Variants in FAM199X observed in about 807,000 individuals in gnomAD.
FAM199X encodes the protein family with sequence similarity 199, X-linked, also known as protein FAM199X.
A neutral mutation model predicts 22.9 loss-of-function variants in FAM199X; 4 were observed. The observed-to-expected ratio is 0.17, with a 90% CI of 0.09 to 0.40. The LOEUF is 0.40. FAM199X is among the 10% of genes least tolerant of loss of function. The pLI, the probability that FAM199X is intolerant of heterozygous loss-of-function variation, is 1.00. For missense variants in FAM199X, 183 were observed against 306.8 expected (o/e 0.60, Z 3.01); for synonymous variants, 101 against 112.3 (o/e 0.90, Z 0.64).
At position 104,193,423 on chromosome X, in the gene FAM199X, A is replaced by T. The variant is rs1348176463; in HGVS notation, c.*3645A>T. ...TATCTAGAAAGATAATTTTCAAGGT[A>T]TAGGCAAAAGCACTTCAAGGACAGA... On this transcript the variant is annotated 3_prime_UTR_variant, in exon 6 of 6. Transcript: ENST00000493442. 2.7e-5 allele frequency: 3 copies of T among 111,955 alleles called. No individual in the cohort carries two copies. The highest frequency in any genetic ancestry group is 7.4e-4 in the South Asian group (2 of 2,720). 9.2% of individuals were successfully genotyped at this position (111,955 alleles called of 1,213,427 possible).
intron 2 of FAM199X, among the ~76,000 whole-genome samples, chrX:104,183,530 T>C (rs1921715290): frequency 9.1e-6 from 1 of 110,392 alleles, no homozygotes; most frequent in Non-Finnish European, 1.9e-5. Context: ...AGTGGCACGA[T>C]CTCGGCTCAC....
the FAM199X span, among the ~76,000 whole-genome samples, chrX:104,157,244 G>A: frequency 8.9e-6 from 1 of 111,872 alleles, no homozygotes; most frequent in African/African-American, 3.3e-5. Flanking sequence ...TCTCAAACAG[G>A]AGCTTAACTT....
At chrX:104,167,289 C>A (rs1921233636) in intron 1 of FAM199X, among the ~76,000 whole-genome samples, 1 of 104,454 alleles carries the variant, frequency 9.6e-6, no homozygotes, top group Non-Finnish European at 2.0e-5. Flanking sequence ...AATCCCAAAC[C>A]CCCACCCTTG....
upstream of FAM199X, among the ~76,000 whole-genome samples, chrX:104,166,184 C>T (rs1397445879): frequency 8.9e-6 from 1 of 112,906 alleles, no homozygotes; most frequent in South Asian, 3.6e-4. Flanking sequence ...TCTCACGCAC[C>T]CGCAGTGTGA....
At chrX:104,189,536 A>T (rs1229081401) in intron 5 of FAM199X, 72 bp from the exon 6 acceptor site, 21 of 1,020,204 alleles carry the variant, frequency 2.1e-5, no homozygotes, top group Non-Finnish European at 2.5e-5. Flanking sequence ...AGAGAATTTG[A>T]TCCACAAAAC....
At chrX:104,178,771 C>G (rs1040063840) in intron 2 of FAM199X, among the ~76,000 whole-genome samples, 7 of 111,734 alleles carry the variant, frequency 6.3e-5, no homozygotes, top group African/African-American at 2.0e-4. Flanking sequence ...TAGTACCACA[C>G]TGTTTTAGTT....
chrX:104,186,761 T>G, intron 4 of FAM199X, 140 bp downstream of exon 4: 1 of 539,075 alleles, frequency 1.9e-6, no homozygotes, highest in Non-Finnish European at 2.9e-6. Context: ...GAAAAAATGA[T>G]GGCACATTGA....
intron 2 of FAM199X, among the ~76,000 whole-genome samples, chrX:104,181,404 C>T (rs1481569507): frequency 8.9e-6 from 1 of 111,886 alleles, no homozygotes; most frequent in East Asian, 2.8e-4. Context: ...TAGTCTAATC[C>T]CGTATCTCCA....
At chrX:104,163,682 G>A (rs1459459436), upstream of FAM199X, among the ~76,000 whole-genome samples, 3 of 109,437 alleles carry the variant, frequency 2.7e-5, no homozygotes, top group Non-Finnish European at 1.9e-5. Context: ...ATATATGGAG[G>A]GACCTCTTTT....
rs1472258146 is a variant in FAM199X, at chrX:104,195,683, G to A, written c.*5905G>A. On this transcript the variant is annotated 3_prime_UTR_variant, in exon 6 of 6. Coordinates refer to ENST00000493442, the MANE Select transcript of FAM199X (RefSeq NM_207318.4). ...CAACTTTATCTTTTGCCACTAGAGG[G>A]AGATCTGTGGTTGCTTTCTCCTTTG... 1 of 111,131 alleles carries A rather than the reference G, an allele frequency of 9.0e-6. No homozygotes were observed. Among genetic ancestry groups the A allele is most frequent in the Non-Finnish European group, 1.9e-5 (1 of 52,969 alleles). The allele number at this position is 111,131 out of a possible 1,213,427, so 9.2% of individuals were successfully genotyped here.
intron 2 of FAM199X, among the ~76,000 whole-genome samples, chrX:104,181,991 C>CT (rs1210118235): frequency 0.011 from 1,032 of 94,560 alleles, 19 homozygotes; most frequent in African/African-American, 0.032. Context: ...TCTTTTTTTT[C>CT]TTTTTTTTTT....
rs1556380490 is a variant in FAM199X at position 104,191,874 on chromosome X, C to G, written c.*2096C>G. 4.5e-5 allele frequency: 5 copies of G among 111,736 alleles called. No individual in the cohort carries two copies. The highest frequency in any genetic ancestry group is 3.8e-4 in the Admixed American group (4 of 10,494). 9.2% of individuals were successfully genotyped at this position (111,736 alleles called of 1,213,427 possible). A position where few individuals can be genotyped will look rare whatever the true frequency, so the allele number is the denominator to read the frequency against. On this transcript the variant is annotated 3_prime_UTR_variant, in exon 6 of 6. Transcript: ENST00000493442. ...TTATTACTTTCAATTTAACTTGAGT[C>G]ACTATTAAGCAAGTTTACCAAAGTG...
intron 1 of FAM199X, among the ~76,000 whole-genome samples, chrX:104,171,923 G>A: frequency 9.0e-6 from 1 of 111,492 alleles, no homozygotes; most frequent in Middle Eastern, 4.7e-3. Flanking sequence ...ATCCTAGAAG[G>A]GGAATTACTG....
At chrX:104,185,103 C>T (rs1418824434) in intron 2 of FAM199X, among the ~76,000 whole-genome samples, 3 of 96,098 alleles carry the variant, frequency 3.1e-5, no homozygotes, top group Non-Finnish European at 6.1e-5. Flanking sequence ...GACGGGGTCT[C>T]GCCACATTGC....
chrX:104,160,390 AAG>A, the FAM199X span, among the ~76,000 whole-genome samples: 69 of 112,910 alleles, frequency 6.1e-4, no homozygotes, highest in Non-Finnish European at 1.2e-3. Context: ...TTTTATTAAA[AAG>A]AGTTATGTGG....
rs1423497744 is a variant in FAM199X at position 104,189,920 on chromosome X, C to T, written c.*142C>T. ...AAGCCAGTGGTTCTTGGCAGGTGAT[C>T]CCAAGACCTGCAGCTTCAGCATCAC... On this transcript the variant is annotated 3_prime_UTR_variant, in exon 6 of 6. Coordinates refer to ENST00000493442, the MANE Select transcript of FAM199X (RefSeq NM_207318.4). The T allele has an allele frequency of 1.8e-6, 1 of 541,763 alleles. No individual in the cohort carries two copies. The highest frequency in any genetic ancestry group is 2.9e-6 in the Non-Finnish European group (1 of 344,275). 44.6% of individuals were successfully genotyped at this position (541,763 alleles called of 1,213,427 possible). A position where few individuals can be genotyped will look rare whatever the true frequency, so the allele number is the denominator to read the frequency against.
intron 1 of FAM199X, among the ~76,000 whole-genome samples, chrX:104,169,461 A>G (rs1047897631): frequency 3.6e-5 from 4 of 112,109 alleles, no homozygotes; most frequent in South Asian, 3.7e-4. Flanking sequence ...GATTATGACA[A>G]TTTTGTGCCT....
intron 2 of FAM199X, among the ~76,000 whole-genome samples, chrX:104,185,613 CT>C (rs1275610116): frequency 2.7e-5 from 3 of 109,581 alleles, no homozygotes; most frequent in Non-Finnish European, 3.8e-5. Flanking sequence ...AGTCTTTTTT[CT>C]TTTTTTTTCT....
At chrX:104,179,187 G>A (rs1217408343) in intron 2 of FAM199X, among the ~76,000 whole-genome samples, 1 of 111,735 alleles carries the variant, frequency 8.9e-6, no homozygotes, top group Admixed American at 9.5e-5. Context: ...AGAGTAGTTG[G>A]GATTTTGGTA....
Sources: gnomAD v4.1 joint callset for allele counts (sites outside exome capture counted in the v4.1 genomes callset) on GRCh38, gnomAD v4.1.1 for gene constraint, MANE v1.5 for transcripts, NCBI Gene and HGNC (gene_info 2026-07-23, HGNC 2026-07-21) for gene names.